Variants in CCL2 observed in about 807,000 individuals in gnomAD.
CCL2 encodes the protein C-C motif chemokine ligand 2.
CCL2 carries 2 observed loss-of-function variants against 6.7 expected under a neutral mutation model. The observed-to-expected ratio is 0.30, with a 90% CI of 0.12 to 0.94. The LOEUF (loss-of-function observed/expected upper bound fraction) is 0.94, where lower values mean the gene tolerates loss of function less well. CCL2 is among the 40% of genes least tolerant of loss of function. The pLI, the probability that CCL2 is intolerant of heterozygous loss-of-function variation, is 0.54. For missense variants in CCL2, 89 were observed against 119.3 expected (o/e 0.75, Z 1.18); for synonymous variants, 43 against 45.2 (o/e 0.95, Z 0.19).
Position 34,256,848 on chromosome 17 carries a change from G to C in CCL2, c.*21G>C. ...CTTGAACACTCACTCCACAACCCAA[G>C]AATCTGCAGCTAACTTATTTTCCCC... On this transcript the variant is annotated 3_prime_UTR_variant, in exon 3 of 3. Coordinates refer to ENST00000225831, the MANE Select transcript of CCL2 (RefSeq NM_002982.4). The C allele has an allele frequency of 6.8e-7, 1 of 1,474,850 alleles. No individual in the cohort carries two copies. Among genetic ancestry groups the C allele is most frequent in the South Asian group, 1.1e-5 (1 of 87,040 alleles). The allele number at this position is 1,474,850 out of a possible 1,614,324, so 91.4% of individuals were successfully genotyped here.
At chr17:34,256,002 T>C in intron 1 of CCL2, 1 of 480,948 alleles carries the variant, frequency 2.1e-6, no homozygotes, top group Non-Finnish European at 3.7e-6. Flanking sequence ...TCTCTGTCCA[T>C]TATCAATGTT....
rs41507946 is a variant in CCL2, at chr17:34,255,522, C to G, written c.76+97C>G. 20 of 1,068,846 alleles carry G rather than the reference C, an allele frequency of 1.9e-5. No individual in the cohort carries two copies. The African/African-American group carries it at 2.5e-4, about 13-fold the overall frequency. 66.2% of individuals were successfully genotyped at this position (1,068,846 alleles called of 1,614,324 possible). A position where few individuals can be genotyped will look rare whatever the true frequency, so the allele number is the denominator to read the frequency against. ...CGTGGTACCCACAGTCTTGCTTTAA[C>G]GCTACTTTTCCAAGATAAGGTGACT... is the stretch of plus-strand genomic sequence containing the variant. On this transcript the variant is annotated intron_variant, in intron 1 of 2. Coordinates refer to ENST00000225831, the MANE Select transcript of CCL2 (RefSeq NM_002982.4).
Position 34,256,866 on chromosome 17 carries a change from TTTTCCCCTAGC to T in CCL2, c.*47_*57del, listed in dbSNP as rs1245090783. On this transcript the variant is annotated 3_prime_UTR_variant, in exon 3 of 3. Transcript: ENST00000225831. ...AACCCAAGAATCTGCAGCTAACTTA[TTTTCCCCTAGC>T]TTTCCCCAGACACCCTGTTTTATTT... The T allele has an allele frequency of 7.5e-7, 1 of 1,337,882 alleles. No individual in the cohort carries two copies. The highest frequency in any genetic ancestry group is 1.1e-6 in the Non-Finnish European group (1 of 933,870). 82.9% of individuals were successfully genotyped at this position (1,337,882 alleles called of 1,614,324 possible). A position where few individuals can be genotyped will look rare whatever the true frequency, so the allele number is the denominator to read the frequency against.
chr17:34,255,386 A>G lies in CCL2; in HGVS notation c.37A>G (p.Ile13Val), dbSNP rs144450837. ...VSAALLCLLLIAATFIPQGLA... is the reference protein window; with the variant it reads ...VSAALLCLLLVAATFIPQGLA... ...TGCCGCCCTTCTGTGCCTGCTGCTC[A>G]TAGCAGCCACCTTCATTCCCCAAGG... is the stretch of plus-strand genomic sequence containing the variant. The change falls in exon 1 of 3, where the codon ATA becomes GTA. Residue 13 changes from isoleucine to valine, a missense_variant. Transcript: ENST00000225831. The G allele has an allele frequency of 1.1e-5, 17 of 1,613,940 alleles. No individual in the cohort carries two copies. In the African/African-American group the frequency reaches 2.1e-4, roughly 20 times the overall value.
chr17:34,256,196 C>A (rs1466346398), intron 1 of CCL2, 26 bp from the exon 2 acceptor site: 22 of 1,486,624 alleles, frequency 1.5e-5, no homozygotes, highest in Non-Finnish European at 2.1e-5. Flanking sequence ...TCCTAAAATG[C>A]TTTTTCTTTG....
At chr17:34,255,473 G>A (rs1567640765) in intron 1 of CCL2, 48 bp downstream of exon 1, 5 of 1,492,306 alleles carry the variant, frequency 3.4e-6, no homozygotes, top group Non-Finnish European at 9.3e-7. Flanking sequence ...TTCTCTCTGA[G>A]TTATCATGGA....
In CCL2 at chr17:34,256,836, T is replaced by C; in HGVS notation, c.*9T>C. Reference sequence around the variant, plus strand: ...AAACTCCGAAGACTTGAACACTCACTCCACAACCCAAGAATCTGCAGCTAA... The same window carrying C: ...AAACTCCGAAGACTTGAACACTCACCCCACAACCCAAGAATCTGCAGCTAA... On this transcript the variant is annotated 3_prime_UTR_variant, in exon 3 of 3. Coordinates refer to ENST00000225831, the MANE Select transcript of CCL2 (RefSeq NM_002982.4). 6.4e-7 allele frequency: 1 copy of C among 1,573,240 alleles called. No individual in the cohort carries two copies. Among genetic ancestry groups the C allele is most frequent in the Non-Finnish European group, 8.7e-7 (1 of 1,143,282 alleles).
chr17:34,256,796 T>C lies in CCL2; in HGVS notation c.269T>C (p.Leu90Pro). ...QKWVQDSMDH[L>P]DKQTQTPKT ...TGGGTTCAGGATTCCATGGACCACC[T>C]GGACAAGCAAACCCAAACTCCGAAG... Residue 90 changes from leucine to proline, a missense_variant, in exon 3 of 3, where the codon CTG becomes CCG. Leu to Pro is a moderately conservative substitution (Grantham distance 98). Coordinates refer to ENST00000225831, the MANE Select transcript of CCL2 (RefSeq NM_002982.4). 6.2e-7 allele frequency: 1 copy of C among 1,613,840 alleles called. No homozygotes were observed. The highest frequency in any genetic ancestry group is 8.5e-7 in the Non-Finnish European group (1 of 1,179,766).
Position 34,257,202 on chromosome 17 carries a change from A to G in CCL2, c.*375A>G, listed in dbSNP as rs1336771071. On this transcript the variant is annotated 3_prime_UTR_variant, in exon 3 of 3. Transcript: ENST00000225831. ...ACCAAATAAATATATTTTTGTACAA[A>G]ACCTGACTTCCAGTGTTTTCTTGAA... The G allele has an allele frequency of 6.4e-6, 1 of 156,156 alleles. No individual in the cohort carries two copies. 9.7% of individuals were successfully genotyped at this position (156,156 alleles called of 1,614,324 possible).
At chr17:34,256,106 G>A in intron 1 of CCL2, 116 bp from the exon 2 acceptor site, 1 of 691,138 alleles carries the variant, frequency 1.4e-6, no homozygotes, top group Non-Finnish European at 2.6e-6. Flanking sequence ...GATTTAATGA[G>A]CTCTTTGTCT....
At position 34,255,332 on chromosome 17, in the gene CCL2, C is replaced by T. The variant is rs141271352; in HGVS notation, c.-18C>T. 1.1e-4 allele frequency: 182 copies of T among 1,612,064 alleles called. No individual in the cohort carries two copies. In the African/African-American group the frequency reaches 2.1e-3, roughly 19 times the overall value. On this transcript the variant is annotated 5_prime_UTR_variant, in exon 1 of 3. Transcript: ENST00000225831. ...AACATCCAATTCTCAAACTGAAGCT[C>T]GCACTCTCGCCTCCAGCATGAAAGT...
At chr17:34,256,670 T>C (rs1019186607) in intron 2 of CCL2, 52 bp from the exon 3 acceptor site, 18 of 1,340,204 alleles carry the variant, frequency 1.3e-5, no homozygotes, top group Middle Eastern at 1.8e-4. Flanking sequence ...GCTGCACTTC[T>C]AGACCAAAAC....
chr17:34,256,941 G>A lies in CCL2; in HGVS notation c.*114G>A. ...TTTGTTTGTTGATGTGAAACATTAT[G>A]CCTTAAGTAATGTTAATTCTTATTT... On this transcript the variant is annotated 3_prime_UTR_variant, in exon 3 of 3. Transcript: ENST00000225831. 1.6e-6 allele frequency: 1 copy of A among 612,508 alleles called. No individual in the cohort carries two copies. The highest frequency in any genetic ancestry group is 2.2e-5 in the South Asian group (1 of 44,902). The allele number at this position is 612,508 out of a possible 1,614,324, so 37.9% of individuals were successfully genotyped here.
chr17:34,256,066 C>T, intron 1 of CCL2, 156 bp from the exon 2 acceptor site: 1 of 599,994 alleles, frequency 1.7e-6, no homozygotes, highest in Non-Finnish European at 3.0e-6. Context: ...AGATCACATT[C>T]TAGCTCTGAG....
chr17:34,256,377 C>T, intron 2 of CCL2, 38 bp downstream of exon 2: 2 of 1,359,526 alleles, frequency 1.5e-6, no homozygotes, highest in South Asian at 1.2e-5. Context: ...GCCTGAAGTT[C>T]TTCCTTGTGG....
chr17:34,257,119 A>G lies in CCL2; in HGVS notation c.*292A>G, dbSNP rs777894448. 4.0e-5 allele frequency: 9 copies of G among 225,602 alleles called. No individual in the cohort carries two copies. Among genetic ancestry groups the G allele is most frequent in the Non-Finnish European group, 7.8e-5 (9 of 115,638 alleles). 14.0% of individuals were successfully genotyped at this position (225,602 alleles called of 1,614,324 possible). A position where few individuals can be genotyped will look rare whatever the true frequency, so the allele number is the denominator to read the frequency against. On this transcript the variant is annotated 3_prime_UTR_variant, in exon 3 of 3. Coordinates refer to ENST00000225831, the MANE Select transcript of CCL2 (RefSeq NM_002982.4). ...ATCATTAATACAAAGAATTTTTTTT[A>G]ACATTCCAATGCATTGCTAAAATAT...
chr17:34,255,462 C>G (rs773289676), intron 1 of CCL2, 37 bp downstream of exon 1: 3 of 1,546,714 alleles, frequency 1.9e-6, no homozygotes, highest in Admixed American at 3.3e-5. Flanking sequence ...ACCACATTGT[C>G]TTCTCTCTGA....
rs1244135925 is a variant in CCL2 at position 34,257,084 on chromosome 17, C to G, written c.*257C>G. On this transcript the variant is annotated 3_prime_UTR_variant, in exon 3 of 3. Transcript: ENST00000225831. ...TCTACCCCTGGGATGTTTTGAGGGT[C>G]TTTGCAAGAATCATTAATACAAAGA... 6.4e-6 allele frequency: 2 copies of G among 310,816 alleles called. No individual in the cohort carries two copies. Among genetic ancestry groups the G allele is most frequent in the Non-Finnish European group, 1.2e-5 (2 of 169,552 alleles). 19.3% of individuals were successfully genotyped at this position (310,816 alleles called of 1,614,324 possible). A position where few individuals can be genotyped will look rare whatever the true frequency, so the allele number is the denominator to read the frequency against.
chr17:34,256,302 A>G lies in CCL2; in HGVS notation c.157A>G (p.Arg53Gly), dbSNP rs1907684114. 1.2e-6 allele frequency: 2 copies of G among 1,613,938 alleles called. No homozygotes were observed. The highest frequency in any genetic ancestry group is 2.2e-5 in the East Asian group (1 of 44,862). Reference sequence around the variant, plus strand: ...AGTGCAGAGGCTCGCGAGCTATAGAAGAATCACCAGCAGCAAGTGTCCCAA... The same window carrying G: ...AGTGCAGAGGCTCGCGAGCTATAGAGGAATCACCAGCAGCAAGTGTCCCAA... Reference protein sequence around the residue: ...ISVQRLASYRRITSSKCPKEA... With the variant: ...ISVQRLASYRGITSSKCPKEA... Residue 53 changes from arginine (R) to glycine (G), a missense_variant, in exon 2 of 3, where the codon AGA becomes GGA. Arg to Gly is a moderately radical substitution (Grantham distance 125). Coordinates refer to ENST00000225831, the MANE Select transcript of CCL2 (RefSeq NM_002982.4).
Sources: allele counts gnomAD v4.1 joint callset, GRCh38; gene constraint gnomAD v4.1.1; transcripts MANE v1.5; gene names NCBI Gene and HGNC (gene_info 2026-07-23, HGNC 2026-07-21).